SH2D3C: variants seen among roughly 807,000 people sequenced by gnomAD.
The protein encoded by SH2D3C is SH2 domain-containing protein 3C.
In SH2D3C, 25 loss-of-function variants were observed where a neutral mutation model predicts 75.2. The observed-to-expected ratio is 0.33, with a 90% CI of 0.24 to 0.46. SH2D3C has a LOEUF of 0.46. Among genes scored for constraint, SH2D3C ranks in the 20% least tolerant of loss-of-function variants. The pLI is 1.00. For missense variants in SH2D3C, 933 were observed against 1,165.3 expected, an observed-to-expected ratio of 0.80 and a Z score of 2.90; for synonymous variants, 450 against 473.7, an observed-to-expected ratio of 0.95 and a Z score of 0.65.
intron 2 of SH2D3C, chr9:127,771,443 A>C: frequency 1.7e-6 from 2 of 1,178,840 alleles, no homozygotes; most frequent in Non-Finnish European, 2.2e-6. Context: ...CGCCTCGAAC[A>C]CGGCCCTCCG....
intron 3 of SH2D3C, among the ~76,000 whole-genome samples, chr9:127,758,727 T>C (rs937267435): frequency 8.5e-5 from 13 of 152,222 alleles, no homozygotes; most frequent in African/African-American, 3.1e-4. Flanking sequence ...ATTTCATACA[T>C]GGAGAGATCT....
intron 6 of SH2D3C, among the ~76,000 whole-genome samples, chr9:127,746,552 C>T (rs1390371964): frequency 6.6e-6 from 1 of 152,228 alleles, no homozygotes; most frequent in Non-Finnish European, 1.5e-5. Context: ...CCTGTAATCC[C>T]AGCACTTTGG....
At chr9:127,767,914 A>G (rs1181529646) in intron 2 of SH2D3C, among the ~76,000 whole-genome samples, 1 of 151,928 alleles carries the variant, frequency 6.6e-6, no homozygotes. Flanking sequence ...CCCAGCCCTC[A>G]CCCCACGCAG....
intron 7 of SH2D3C, among the ~76,000 whole-genome samples, chr9:127,744,224 C>G (rs539812783): frequency 6.6e-6 from 1 of 152,004 alleles, no homozygotes; most frequent in South Asian, 2.1e-4. Context: ...GCGCCCACCA[C>G]GACGCCTAGC....
chr9:127,770,500 G>A (rs1357680860), intron 2 of SH2D3C, among the ~76,000 whole-genome samples: 2 of 152,292 alleles, frequency 1.3e-5, no homozygotes, highest in Non-Finnish European at 2.9e-5. Context: ...GATCTCATGG[G>A]CCAGGCTGCT....
chr9:127,774,173 A>G lies in SH2D3C; in HGVS notation c.332T>C (p.Val111Ala). ...TGCCTCCAAGCCTGGGGGGTCGGGT[A>G]CACCTCCGGGTACCAAGTTGGGCTT... ...GPKPNLVPGG[V>A]PDPPGLEAAK... Residue 111 changes from valine (V) to alanine (A), a missense_variant, in exon 2 of 12, where the codon GTA (valine) becomes GCA (alanine). Transcript: ENST00000314830. This position sits in a 1 kb window ranked among gnomAD's most constrained non-coding sequence, Gnocchi z 4.3. The G allele has an allele frequency of 6.2e-7, 1 of 1,614,004 alleles. No individual in the cohort carries two copies. Among genetic ancestry groups the G allele is most frequent in the South Asian group, 1.1e-5 (1 of 91,066 alleles).
rs1491372867 is a variant in SH2D3C at position 127,757,633 on chromosome 9, G to GATTATTATT, written c.555+3977_555+3978insAATAATAAT. On this transcript the variant is annotated intron_variant, in intron 3 of 11. Coordinates refer to ENST00000314830, the MANE Select transcript of SH2D3C (RefSeq NM_170600.3). ...TGATGATGATGATGATGATGATGAT[G>GATTATTATT]ATGATGATGATGATTATTATTATTA... 3.9e-3 allele frequency among the ~76,000 whole-genome samples: 260 copies of GATTATTATT among 67,236 alleles called. 1 individual carries two copies. The highest frequency in any genetic ancestry group is 0.017 in the East Asian group (20 of 1,196). 44.1% of individuals were successfully genotyped at this position (67,236 alleles called of 152,430 possible).
Position 127,754,939 on chromosome 9 carries a change from C to G in SH2D3C, c.556-3639G>C, listed in dbSNP as rs1341686064. 1 of 510,708 alleles carries G rather than the reference C, an allele frequency of 2.0e-6. No individual in the cohort carries two copies. The highest frequency in any genetic ancestry group is 3.6e-6 in the Non-Finnish European group (1 of 274,408). 31.6% of individuals were successfully genotyped at this position (510,708 alleles called of 1,614,324 possible). A position where few individuals can be genotyped will look rare whatever the true frequency, so the allele number is the denominator to read the frequency against. Reference sequence around the variant, plus strand: ...AGGCTGGGGTGACCCCGCCCCCTCCCCGGGTCGGCCGGGCCCAGCCCAGCC... The same window carrying G: ...AGGCTGGGGTGACCCCGCCCCCTCCGCGGGTCGGCCGGGCCCAGCCCAGCC... On this transcript the variant is annotated intron_variant, in intron 3 of 11. Coordinates refer to ENST00000314830, the MANE Select transcript of SH2D3C (RefSeq NM_170600.3). The surrounding 1 kb of genome is among the most constrained non-coding windows in gnomAD (Gnocchi z 4.4).
chr9:127,745,155 T>C (rs539007939), intron 6 of SH2D3C, 56 bp from the exon 7 acceptor site: 58 of 1,390,284 alleles, frequency 4.2e-5, no homozygotes, highest in Non-Finnish European at 5.2e-5. Context: ...CAAAGTGAGA[T>C]TCCCGCACCC....
Position 127,738,800 on chromosome 9 carries a change from G to A in SH2D3C, c.2529C>T (p.Val843=), listed in dbSNP as rs1844759895. Residue 843 remains valine (V), a synonymous_variant, in exon 12 of 12, where the codon GTC becomes GTT. Transcript: ENST00000314830. The surrounding 1 kb of genome is among the most constrained non-coding windows in gnomAD (Gnocchi z 5.0). ...QARRYEKFDK[V]LTALSHKLEP... The stretch of plus-strand genomic sequence containing the variant: ...CCAGCTTGTGGGACAGGGCAGTGAG[G>A]ACCTTGTCGAACTTCTCATAGCGCC... The A allele has an allele frequency of 1.2e-6, 2 of 1,609,330 alleles. No individual in the cohort carries two copies. Among genetic ancestry groups the A allele is most frequent in the Non-Finnish European group, 8.5e-7 (1 of 1,178,184 alleles).
At chr9:127,742,755 A>T in intron 8 of SH2D3C, 94 bp downstream of exon 8, 1 of 887,446 alleles carries the variant, frequency 1.1e-6, no homozygotes, top group Non-Finnish European at 1.7e-6. Flanking sequence ...CTGGGAGCCG[A>T]GCTGAGGCTG....
chr9:127,741,330 T>C (rs960342411), intron 9 of SH2D3C, among the ~76,000 whole-genome samples: 1 of 150,738 alleles, frequency 6.6e-6, no homozygotes, highest in Non-Finnish European at 1.5e-5. Flanking sequence ...AACCTCTGCC[T>C]CCCTGGTTCA....
intron 6 of SH2D3C, among the ~76,000 whole-genome samples, chr9:127,745,426 T>A (rs1845000048): frequency 6.6e-6 from 1 of 151,864 alleles, no homozygotes; most frequent in Non-Finnish European, 1.5e-5. Context: ...CATGTGATTG[T>A]TTCTCGACGA....
intron 1 of SH2D3C, among the ~76,000 whole-genome samples, chr9:127,777,843 G>T (rs934041876): frequency 6.6e-6 from 1 of 151,882 alleles, no homozygotes; most frequent in Admixed American, 6.6e-5. Flanking sequence ...TCTGCAGAGA[G>T]ACAGTGATGG....
chr9:127,746,467 T>G (rs1845033766), intron 6 of SH2D3C, among the ~76,000 whole-genome samples: 1 of 152,218 alleles, frequency 6.6e-6, no homozygotes, highest in Admixed American at 6.5e-5. Flanking sequence ...TCCACTTAAT[T>G]TTGCTGCAAA....
intron 6 of SH2D3C, 21 bp from the exon 7 acceptor site, chr9:127,745,120 A>AGGGG: frequency 6.8e-7 from 1 of 1,474,714 alleles, no homozygotes; most frequent in African/African-American, 1.4e-5. Flanking sequence ...GTAGAGAGAG[A>AGGGG]GGCCCCGTTA....
intron 2 of SH2D3C, among the ~76,000 whole-genome samples, chr9:127,766,542 G>A (rs1460270376): frequency 6.6e-6 from 1 of 152,152 alleles, no homozygotes; most frequent in Non-Finnish European, 1.5e-5. Context: ...GGGGGCTGAA[G>A]TTTCTTTCCT....
intron 5 of SH2D3C, among the ~76,000 whole-genome samples, chr9:127,747,532 CTTTTTTGTTTTT>C (rs1845069914): frequency 6.6e-6 from 1 of 151,420 alleles, no homozygotes; most frequent in Non-Finnish European, 1.5e-5. Flanking sequence ...TTTTTCTTTT[CTTTTTTGTTTTT>C]TTTTTCGGAG....
intron 1 of SH2D3C, among the ~76,000 whole-genome samples, chr9:127,776,658 C>T (rs1845816009): frequency 6.6e-6 from 1 of 152,240 alleles, no homozygotes; most frequent in African/African-American, 2.4e-5. Context: ...CAGCTGTTCG[C>T]ACCCGTGCTG....
Sources: allele counts gnomAD v4.1 joint callset (sites outside exome capture counted in the v4.1 genomes callset), GRCh38; gene constraint gnomAD v4.1.1; non-coding constraint Gnocchi (gnomAD v3.1); transcripts MANE v1.5; gene names NCBI Gene and HGNC (gene_info 2026-07-23, HGNC 2026-07-21).